DNAJC13: variants seen among roughly 807,000 people sequenced by gnomAD.
The protein encoded by DNAJC13 is dnaJ homolog subfamily C member 13.
A neutral mutation model predicts 290.5 loss-of-function variants in DNAJC13; 75 were observed. The ratio of observed to expected loss-of-function variants is 0.26; its 90% CI spans 0.21 to 0.31. The LOEUF is 0.31. Among genes scored for constraint, DNAJC13 ranks in the 10% least tolerant of loss-of-function variants. The pLI, the probability that DNAJC13 is intolerant of heterozygous loss-of-function variation, is 1.00. For missense variants in DNAJC13, 2,260 were observed against 2,674.5 expected, an observed-to-expected ratio of 0.85 and a Z score of 3.42; for synonymous variants, 862 against 892.0, an observed-to-expected ratio of 0.97 and a Z score of 0.60.
At chr3:132,474,293 T>C (rs534763482) in intron 21 of DNAJC13, 11 of 152,302 alleles carry the variant, frequency 7.2e-5, no homozygotes, top group Admixed American at 3.3e-4. Context: ...CAGGCTGGAG[T>C]GCAATGGCGT....
intron 1 of DNAJC13, among the ~76,000 whole-genome samples, chr3:132,434,193 G>A (rs533446660): frequency 6.7e-6 from 1 of 149,798 alleles, no homozygotes; most frequent in Admixed American, 6.7e-5. Context: ...CTGGGCGACA[G>A]TGCGAGACTC....
chr3:132,502,265 A>G, intron 39 of DNAJC13, 24 bp from the exon 40 acceptor site: 4 of 1,537,212 alleles, frequency 2.6e-6, no homozygotes, highest in Non-Finnish European at 3.5e-6. Flanking sequence ...GTAACAACTA[A>G]TGCTCTCATT....
At position 132,467,217 on chromosome 3, in the gene DNAJC13, T is replaced by G. The variant is rs1028937657; in HGVS notation, c.2112T>G (p.Ala704=). The change falls in exon 20 of 56, where the codon GCT becomes GCG. Residue 704 remains alanine (A), a synonymous_variant. Transcript: ENST00000260818. ...FNKVPEWQRL[A]GKAAKEVEKF... is the part of the protein sequence containing the mutation. ...AAGTTCCAGAGTGGCAAAGACTAGCTGGAAAAGCTGCTAAAGAAGTTGAAA... is the reference window on the plus strand; with the variant it reads ...AAGTTCCAGAGTGGCAAAGACTAGCGGGAAAAGCTGCTAAAGAAGTTGAAA... 3.7e-6 allele frequency: 6 copies of G among 1,613,872 alleles called. No individual in the cohort carries two copies. The highest frequency in any genetic ancestry group is 5.1e-6 in the Non-Finnish European group (6 of 1,179,892).
At chr3:132,426,790 G>GT (rs530296305) in intron 1 of DNAJC13, among the ~76,000 whole-genome samples, 43 of 148,568 alleles carry the variant, frequency 2.9e-4, no homozygotes, top group South Asian at 6.4e-4. Flanking sequence ...ATTTTGTGAA[G>GT]TTTTTTTTTT....
chr3:132,435,542 T>C (rs1046232477), intron 2 of DNAJC13, among the ~76,000 whole-genome samples: 2 of 152,212 alleles, frequency 1.3e-5, no homozygotes, highest in African/African-American at 2.4e-5. Flanking sequence ...TTTTGGAAGA[T>C]TTGAATATTT....
chr3:132,535,590 C>A (rs778108811), intron 55 of DNAJC13, among the ~76,000 whole-genome samples: 2 of 152,144 alleles, frequency 1.3e-5, no homozygotes, highest in South Asian at 4.1e-4. Context: ...AAAGAAGGAA[C>A]AACAGGAAAA....
chr3:132,419,672 A>G (rs1242387315), intron 1 of DNAJC13, among the ~76,000 whole-genome samples: 2 of 152,182 alleles, frequency 1.3e-5, no homozygotes, highest in Non-Finnish European at 2.9e-5. Flanking sequence ...CCTGCTTCTG[A>G]TTGAGGTACT....
At position 132,447,356 on chromosome 3, in the gene DNAJC13, T is replaced by G; in HGVS notation, c.180T>G (p.Val60=). The G allele has an allele frequency of 6.3e-7, 1 of 1,598,866 alleles. No homozygotes were observed. The highest frequency in any genetic ancestry group is 8.5e-7 in the Non-Finnish European group (1 of 1,174,754). Residue 60 remains valine, a synonymous_variant, in exon 4 of 56, where the codon GTT becomes GTG. Coordinates refer to ENST00000260818, the MANE Select transcript of DNAJC13 (RefSeq NM_015268.4). The part of the protein sequence containing the change: ...PYGDICSISP[V]GKGQGTEFNL... The stretch of plus-strand genomic sequence containing the variant: ...GAGACATTTGCAGCATCAGCCCTGT[T>G]GGAAAAGGACAAGGAACGGAGTTCA...
Position 132,456,666 on chromosome 3 carries a change from C to T in DNAJC13, c.1183C>T (p.Leu395Phe), listed in dbSNP as rs758958861. The change falls in exon 12 of 56, where the codon CTC (leucine) becomes TTC (phenylalanine). Residue 395 changes from leucine (L) to phenylalanine (F), a missense_variant. By Grantham distance (22) the Leu-to-Phe change is conservative. This residue lies in a region of DNAJC13 where 762 missense variants were observed against 964.1 expected (regional missense o/e 0.79). Coordinates refer to ENST00000260818, the MANE Select transcript of DNAJC13 (RefSeq NM_015268.4). ...GAAATACTCTTTCTTCACCTAGGGT[C>T]TCTTCTCAGAAAACAAAGAAAAACT... ...GVLHAVTQDG[L>F]FSENKEKLIN... 6.2e-7 allele frequency: 1 copy of T among 1,613,738 alleles called. No homozygotes were observed. Among genetic ancestry groups the T allele is most frequent in the Non-Finnish European group, 8.5e-7 (1 of 1,179,828 alleles).
At chr3:132,439,443 T>G (rs945880333) in intron 2 of DNAJC13, among the ~76,000 whole-genome samples, 30 of 151,904 alleles carry the variant, frequency 2.0e-4, no homozygotes, top group African/African-American at 6.5e-4. Flanking sequence ...TTTTTTGTTT[T>G]TTTTTTTTTC....
chr3:132,506,725 T>C (rs1170607212), intron 42 of DNAJC13, among the ~76,000 whole-genome samples: 2 of 151,886 alleles, frequency 1.3e-5, no homozygotes, highest in African/African-American at 4.8e-5. Context: ...CCACTTTTTG[T>C]ATTTTTAGTA....
chr3:132,473,956 A>G (rs1934374204), intron 21 of DNAJC13, among the ~76,000 whole-genome samples: 1 of 152,186 alleles, frequency 6.6e-6, no homozygotes, highest in African/African-American at 2.4e-5. Flanking sequence ...GAGACTTTCT[A>G]GGAGGATTGC....
At chr3:132,423,846 G>T (rs752311267) in intron 1 of DNAJC13, among the ~76,000 whole-genome samples, 1 of 152,098 alleles carries the variant, frequency 6.6e-6, no homozygotes, top group African/African-American at 2.4e-5. Flanking sequence ...ATTTAGTCCC[G>T]CATTATGCAT....
intron 51 of DNAJC13, 96 bp downstream of exon 51, chr3:132,523,809 G>T: frequency 8.1e-7 from 1 of 1,234,478 alleles, no homozygotes. Context: ...CATGAATTAG[G>T]AATTGGCCAG....
In DNAJC13 at chr3:132,463,759, C is replaced by G. The variant is rs751081895; in HGVS notation, c.1834C>G (p.Arg612Gly). 8 of 1,613,246 alleles carry G rather than the reference C, an allele frequency of 5.0e-6. No individual in the cohort carries two copies. Among genetic ancestry groups the G allele is most frequent in the Non-Finnish European group, 5.9e-6 (7 of 1,179,466 alleles). ...ELALSEGALPRHLHTAMFTIS... is the reference protein window; with the variant it reads ...ELALSEGALPGHLHTAMFTIS... ...TGCCCTAAGTGAAGGTGCCTTACCT[C>G]GACACTTGCATACTGCGATGTTTAC... The change falls in exon 17 of 56, where the codon CGA becomes GGA. Residue 612 changes from arginine (R) to glycine (G), a missense_variant. By Grantham distance (125) the Arg-to-Gly change is moderately radical. Around this residue, in one of 3 missense-constraint regions of DNAJC13, gnomAD observed 762 missense variants for 964.1 expected, o/e 0.79. Coordinates refer to ENST00000260818, the MANE Select transcript of DNAJC13 (RefSeq NM_015268.4).
At chr3:132,476,232 G>A (rs1934470103) in intron 22 of DNAJC13, among the ~76,000 whole-genome samples, 1 of 152,030 alleles carries the variant, frequency 6.6e-6, no homozygotes, top group African/African-American at 2.4e-5. Context: ...TCTCATAATT[G>A]GATATCTGAT....
intron 2 of DNAJC13, 96 bp downstream of exon 2, chr3:132,434,714 G>T: frequency 1.1e-6 from 1 of 889,574 alleles, no homozygotes; most frequent in South Asian, 2.3e-5. Context: ...CACAACTCAG[G>T]CTATACAGCC....
intron 29 of DNAJC13, among the ~76,000 whole-genome samples, chr3:132,487,536 G>A (rs1008816519): frequency 3.1e-5 from 4 of 129,354 alleles, no homozygotes; most frequent in Non-Finnish European, 4.5e-5. Context: ...GATTACAGGC[G>A]TGAGCCACCA....
intron 25 of DNAJC13, 106 bp downstream of exon 25, chr3:132,479,395 C>T: frequency 1.3e-6 from 1 of 776,494 alleles, no homozygotes; most frequent in Non-Finnish European, 2.1e-6. Flanking sequence ...TTTCTGTCTT[C>T]TCCTTTTTAG....
Sources: gnomAD v4.1 joint callset for allele counts (sites outside exome capture counted in the v4.1 genomes callset) on GRCh38, gnomAD v4.1.1 for gene constraint, gnomAD v4.1.1 regional missense constraint, MANE v1.5 for transcripts, NCBI Gene and HGNC (gene_info 2026-07-23, HGNC 2026-07-21) for gene names.